The following PAK1 variants were observed in gnomAD, a reference collection of about 807,000 sequenced individuals.
PAK1 encodes the protein p21 (RAC1) activated kinase 1.
In PAK1, 29 loss-of-function variants were observed where a neutral mutation model predicts 67.4. The observed-to-expected ratio is 0.43, with a 90% confidence interval of 0.32 to 0.59. PAK1 has a LOEUF of 0.59. Among genes scored for constraint, PAK1 ranks in the 20% least tolerant of loss-of-function variants. PAK1 has a pLI of 0.07. For synonymous variants in PAK1, 223 were observed against 237.4 expected, an observed-to-expected ratio of 0.94 and a Z score of 0.56; for missense variants, 337 against 670.7, an observed-to-expected ratio of 0.50 and a Z score of 5.50.
chr11:77,450,800 T>A (rs558515943), intron 1 of PAK1, among the ~76,000 whole-genome samples: 2 of 152,326 alleles, frequency 1.3e-5, no homozygotes, highest in East Asian at 1.9e-4. Context: ...GGGCTGCAAC[T>A]GCCTGCAGAA....
chr11:77,341,721 C>T (rs1943631192), intron 10 of PAK1, among the ~76,000 whole-genome samples: 1 of 152,186 alleles, frequency 6.6e-6, no homozygotes. Context: ...ACATTTCTTG[C>T]ATTGGCTTGA....
chr11:77,379,192 A>T, intron 4 of PAK1, 49 bp downstream of exon 4: 1 of 1,478,584 alleles, frequency 6.8e-7, no homozygotes, highest in Non-Finnish European at 9.1e-7. Context: ...TTTCCCACCC[A>T]GATTAAAACC....
chr11:77,462,995 T>TG (rs1957430259), intron 1 of PAK1, among the ~76,000 whole-genome samples: 2 of 29,748 alleles, frequency 6.7e-5, no homozygotes, highest in Non-Finnish European at 1.3e-4. Flanking sequence ...TGGGTGGGGG[T>TG]GGGGTGGGGG....
chr11:77,414,692 C>A (rs553901810), intron 1 of PAK1, among the ~76,000 whole-genome samples: 1 of 152,076 alleles, frequency 6.6e-6, no homozygotes, highest in South Asian at 2.1e-4. Context: ...CATCCACATC[C>A]AAAAAAATCA....
chr11:77,523,415 T>G, the PAK1 span, among the ~76,000 whole-genome samples: 1 of 150,118 alleles, frequency 6.7e-6, no homozygotes, highest in African/African-American at 2.5e-5. Context: ...ATTCTATGCT[T>G]TCTACTTTTT....
At chr11:77,381,965 A>C (rs149584921) in intron 2 of PAK1, among the ~76,000 whole-genome samples, 58 of 152,356 alleles carry the variant, frequency 3.8e-4, no homozygotes, top group African/African-American at 1.4e-3. Context: ...ACGTAAGTCC[A>C]TCTGTCTTTC....
the PAK1 span, chr11:77,514,837 C>T: frequency 7.6e-6 from 1 of 131,166 alleles, no homozygotes; most frequent in African/African-American, 3.0e-5. Flanking sequence ...ATCCTCATAA[C>T]AATCCTGCAC....
intron 5 of PAK1, among the ~76,000 whole-genome samples, chr11:77,370,711 A>G (rs1353780903): frequency 6.6e-6 from 1 of 152,144 alleles, no homozygotes; most frequent in African/African-American, 2.4e-5. Flanking sequence ...CATTGCTTTT[A>G]ATTTGGTTTT....
chr11:77,334,965 A>G (rs1461500976), intron 13 of PAK1, among the ~76,000 whole-genome samples: 2 of 152,170 alleles, frequency 1.3e-5, no homozygotes, highest in African/African-American at 4.8e-5. Context: ...TGGCAAATCC[A>G]ATGTTCATTT....
At chr11:77,513,868 T>C in the PAK1 span, among the ~76,000 whole-genome samples, 3 of 152,026 alleles carry the variant, frequency 2.0e-5, no homozygotes, top group African/African-American at 7.2e-5. Context: ...CTACTTATAG[T>C]CCCCTATTAG....
At chr11:77,327,719 G>A (rs1213933463) in intron 14 of PAK1, among the ~76,000 whole-genome samples, 2 of 152,118 alleles carry the variant, frequency 1.3e-5, no homozygotes, top group Non-Finnish European at 2.9e-5. Flanking sequence ...GGAAGAAACT[G>A]CACCAACTAA....
At chr11:77,342,856 T>C (rs1176084769) in intron 10 of PAK1, among the ~76,000 whole-genome samples, 1 of 149,932 alleles carries the variant, frequency 6.7e-6, no homozygotes, top group African/African-American at 2.5e-5. Context: ...CCACCTACGA[T>C]GTCTCTGAAC....
chr11:77,470,428 T>C (rs898513239), intron 1 of PAK1, among the ~76,000 whole-genome samples: 2 of 152,202 alleles, frequency 1.3e-5, no homozygotes, highest in African/African-American at 2.4e-5. Flanking sequence ...CCTTAAAGAC[T>C]TGGGCTGCAC....
intron 1 of PAK1, among the ~76,000 whole-genome samples, chr11:77,400,223 A>C (rs1225428416): frequency 6.6e-6 from 1 of 152,196 alleles, no homozygotes; most frequent in Non-Finnish European, 1.5e-5. Flanking sequence ...CCACAGAATA[A>C]CATAAATGTG....
At chr11:77,505,280 C>G in the PAK1 span, among the ~76,000 whole-genome samples, 1 of 151,978 alleles carries the variant, frequency 6.6e-6, no homozygotes, top group South Asian at 2.1e-4. Context: ...CGCCACCTCC[C>G]GGGTTCAAGC....
At chr11:77,339,521 C>T (rs1423822053) in intron 11 of PAK1, among the ~76,000 whole-genome samples, 3 of 151,986 alleles carry the variant, frequency 2.0e-5, no homozygotes, top group Non-Finnish European at 4.4e-5. Context: ...CTAAGAATCC[C>T]AGCCTGGTAT....
chr11:77,351,976 G>C (rs1945319030), intron 8 of PAK1, among the ~76,000 whole-genome samples: 1 of 151,812 alleles, frequency 6.6e-6, no homozygotes. Flanking sequence ...TCACTACCAA[G>C]ATCACCCCCA....
chr11:77,351,926 G>C (rs1945312182), intron 8 of PAK1, among the ~76,000 whole-genome samples: 1 of 150,998 alleles, frequency 6.6e-6, no homozygotes, highest in Non-Finnish European at 1.5e-5. Flanking sequence ...CAAATCTTAA[G>C]TGTACAACTT....
chr11:77,351,892 T>TAG (rs1565603899), intron 8 of PAK1, among the ~76,000 whole-genome samples: 1 of 150,596 alleles, frequency 6.6e-6, no homozygotes. Context: ...TTTTTTTTTA[T>TAG]AGAGAGGTAT....
Sources: gnomAD v4.1 joint callset for allele counts (sites outside exome capture counted in the v4.1 genomes callset) on GRCh38, gnomAD v4.1.1 for gene constraint, MANE v1.5 for transcripts, NCBI Gene and HGNC (gene_info 2026-07-23, HGNC 2026-07-21) for gene names.